Variants in ABCA13 observed in about 807,000 individuals in gnomAD.
The protein encoded by ABCA13 is ATP-binding cassette sub-family A member 13.
In ABCA13, 476 loss-of-function variants were observed where a neutral mutation model predicts 478.7. That is an observed-to-expected ratio of 0.99 (90% CI 0.92 to 1.07). The LOEUF (loss-of-function observed/expected upper bound fraction) is 1.07. Among genes scored for constraint, ABCA13 ranks in the 50% least tolerant of loss-of-function variants. The pLI, the probability that ABCA13 is intolerant of heterozygous loss-of-function variation, is 0.00. For missense variants in ABCA13, 6,060 were observed against 5,910.6 expected (o/e 1.03, Z -0.83); for synonymous variants, 2,252 against 2,158.9 (o/e 1.04, Z -1.20).
At chr7:48,276,774 C>A (rs372105012) in intron 17 of ABCA13, among the ~76,000 whole-genome samples, 34 of 151,910 alleles carry the variant, frequency 2.2e-4, no homozygotes, top group Non-Finnish European at 4.4e-4. Context: ...TAAACCCAGC[C>A]CAGGGTAATT....
At chr7:48,394,761 G>A (rs1816597098) in intron 38 of ABCA13, among the ~76,000 whole-genome samples, 1 of 152,080 alleles carries the variant, frequency 6.6e-6, no homozygotes, top group African/African-American at 2.4e-5. Context: ...TTCTTTAGTG[G>A]TGATTTGTGA....
chr7:48,558,126 C>A (rs753563492), intron 55 of ABCA13, among the ~76,000 whole-genome samples: 1 of 149,152 alleles, frequency 6.7e-6, no homozygotes, highest in Non-Finnish European at 1.5e-5. Flanking sequence ...TGTACCTTCC[C>A]CTTCCTTCCT....
intron 55 of ABCA13, among the ~76,000 whole-genome samples, chr7:48,552,680 T>C (rs989853489): frequency 2.0e-5 from 3 of 151,550 alleles, no homozygotes; most frequent in African/African-American, 7.2e-5. Flanking sequence ...ATTTAAGTTG[T>C]TTAATTTTTA....
intron 56 of ABCA13, 42 bp from the exon 57 acceptor site, chr7:48,587,100 CTGGTGGGCACTT>C: frequency 6.2e-7 from 1 of 1,606,212 alleles, no homozygotes; most frequent in Non-Finnish European, 8.5e-7. Flanking sequence ...GACCAGCTGT[CTGGTGGGCACTT>C]TGGTGAATGC....
intron 48 of ABCA13, among the ~76,000 whole-genome samples, chr7:48,490,969 A>G (rs1829788658): frequency 6.6e-6 from 1 of 152,230 alleles, no homozygotes; most frequent in Non-Finnish European, 1.5e-5. Context: ...ATGAATCCAG[A>G]GGAAAAAAAT....
At chr7:48,384,850 A>G (rs1814939306) in intron 35 of ABCA13, among the ~76,000 whole-genome samples, 1 of 151,780 alleles carries the variant, frequency 6.6e-6, no homozygotes, top group Admixed American at 6.6e-5. Context: ...TCCCAAGGCC[A>G]CTCTCCTTGG....
chr7:48,188,859 A>C (rs1796706971), intron 1 of ABCA13, among the ~76,000 whole-genome samples: 1 of 152,186 alleles, frequency 6.6e-6, no homozygotes, highest in Admixed American at 6.5e-5. Flanking sequence ...ATGGTAGTGG[A>C]ACAGGGATCT....
chr7:48,173,483 A>C (rs964591145), intron 1 of ABCA13, among the ~76,000 whole-genome samples: 2 of 152,254 alleles, frequency 1.3e-5, no homozygotes, highest in African/African-American at 2.4e-5. Context: ...GGTGAACAAG[A>C]AAAGTGAGTT....
Position 48,350,596 on chromosome 7 carries a change from G to T in ABCA13, c.10205-47G>T, listed in dbSNP as rs748215677. On this transcript the variant is annotated intron_variant, in intron 29 of 61. Transcript: ENST00000435803. ...CTCCACTATATGAGTGGTAAGCACT[G>T]GGGGGATACAGAAGTTGATGTGTCC... 12 of 1,512,726 alleles carry T rather than the reference G, an allele frequency of 7.9e-6. No homozygotes were observed. The South Asian group carries it at 1.2e-4, about 15-fold the overall frequency. The allele number at this position is 1,512,726 out of a possible 1,614,324, so 93.7% of individuals were successfully genotyped here.
At chr7:48,331,342 C>T (rs1003176489) in intron 27 of ABCA13, among the ~76,000 whole-genome samples, 6 of 152,102 alleles carry the variant, frequency 3.9e-5, no homozygotes, top group Non-Finnish European at 7.4e-5. Context: ...TCTGAAAATC[C>T]TGACACACTT....
intron 59 of ABCA13, chr7:48,627,149 A>G (rs775378134): frequency 1.4e-6 from 1 of 703,748 alleles, no homozygotes; most frequent in African/African-American, 1.9e-5. Context: ...CTATTATTGT[A>G]CCCACTTCAC....
At chr7:48,233,251 G>T (rs1376172311) in intron 7 of ABCA13, among the ~76,000 whole-genome samples, 6 of 152,092 alleles carry the variant, frequency 3.9e-5, no homozygotes, top group Non-Finnish European at 7.4e-5. Flanking sequence ...TTAGTGGCTG[G>T]CAGGTGAAGG....
intron 55 of ABCA13, among the ~76,000 whole-genome samples, chr7:48,546,815 A>G (rs952958120): frequency 6.6e-6 from 1 of 151,720 alleles, no homozygotes; most frequent in Non-Finnish European, 1.5e-5. Context: ...TGCACTACCA[A>G]TATATACAAA....
chr7:48,469,539 C>T (rs1231787271), intron 44 of ABCA13, among the ~76,000 whole-genome samples: 4 of 150,790 alleles, frequency 2.7e-5, no homozygotes, highest in Admixed American at 2.6e-4. Context: ...AGAACAGTCA[C>T]CTCAATGGCA....
chr7:48,223,976 A>AAAAG lies in ABCA13; in HGVS notation c.468+2668_468+2669insAAGA, dbSNP rs1554352781. On this transcript the variant is annotated intron_variant, in intron 5 of 61. Coordinates refer to ENST00000435803, the MANE Select transcript of ABCA13 (RefSeq NM_152701.5). ...TCGGTCTCAAAAAAAAAAAAAAAAAAAGAGAGAGAGAGAGAGAATGGGGGC... is the reference window on the plus strand; with the variant it reads ...TCGGTCTCAAAAAAAAAAAAAAAAAAAAAGAGAGAGAGAGAGAGAGAATGGGGGC... Among the ~76,000 whole-genome samples the AAAAG allele has an allele frequency of 3.3e-3, 430 of 129,870 alleles. 2 individuals are homozygous for AAAAG. The highest frequency in any genetic ancestry group is 0.014 in the African/African-American group (410 of 30,198). The allele number at this position is 129,870 out of a possible 152,430, so 85.2% of individuals were successfully genotyped here.
Position 48,500,202 on chromosome 7 carries a change from C to T in ABCA13, c.13292-6134C>T, listed in dbSNP as rs147123643. ...TTCCTCTTTATGAGACAGGGCATAG[C>T]TATCCTCTCTTTCTTTGGATCCATG... On this transcript the variant is annotated intron_variant, in intron 48 of 61. Coordinates refer to ENST00000435803, the MANE Select transcript of ABCA13 (RefSeq NM_152701.5). Among the ~76,000 whole-genome samples the T allele has an allele frequency of 7.3e-3, 1,115 of 152,274 alleles. 7 individuals carry two copies. Among genetic ancestry groups the T allele is most frequent in the Non-Finnish European group, 8.1e-3 (552 of 68,014 alleles).
intron 39 of ABCA13, among the ~76,000 whole-genome samples, chr7:48,406,035 T>C (rs1434475145): frequency 4.6e-5 from 7 of 152,144 alleles, no homozygotes; most frequent in Non-Finnish European, 1.0e-4. Context: ...GTGAGACAGA[T>C]CTAAGGACTG....
intron 42 of ABCA13, among the ~76,000 whole-genome samples, chr7:48,449,021 T>G (rs1015372217): frequency 2.6e-5 from 4 of 152,042 alleles, no homozygotes; most frequent in Admixed American, 2.0e-4. Flanking sequence ...TTTTGTATTT[T>G]TAGTAGAGAT....
chr7:48,426,184 T>C (rs1466576582), intron 41 of ABCA13, among the ~76,000 whole-genome samples: 2 of 152,240 alleles, frequency 1.3e-5, no homozygotes, highest in Non-Finnish European at 2.9e-5. Context: ...TAGTGAGGTT[T>C]ACAGCTTTTC....
Sources: gnomAD v4.1 joint callset for allele counts (sites outside exome capture counted in the v4.1 genomes callset) on GRCh38, gnomAD v4.1.1 for gene constraint, MANE v1.5 for transcripts, NCBI Gene and HGNC (gene_info 2026-07-23, HGNC 2026-07-21) for gene names.